Variants in SLC44A5 observed in about 807,000 individuals in gnomAD.
SLC44A5 encodes the protein choline transporter-like protein 5.
In SLC44A5, 57 loss-of-function variants were observed where a neutral mutation model predicts 101.8. That is an observed-to-expected ratio of 0.56 (90% CI 0.45 to 0.70). SLC44A5 has a LOEUF of 0.70. Ranked by LOEUF, SLC44A5 falls within the 30% of genes least tolerant of loss-of-function variation. The pLI is 0.00. For synonymous variants in SLC44A5, 281 were observed against 290.9 expected (o/e 0.97, Z 0.35); for missense variants, 737 against 853.1 (o/e 0.86, Z 1.70).
intron 1 of SLC44A5, among the ~76,000 whole-genome samples, chr1:75,570,849 T>C (rs1263057815): frequency 1.3e-5 from 2 of 152,178 alleles, no homozygotes. Context: ...AGTACGTTAA[T>C]GTGCTAATTA....
At chr1:75,481,161 C>A (rs1667819599) in intron 2 of SLC44A5, among the ~76,000 whole-genome samples, 1 of 152,166 alleles carries the variant, frequency 6.6e-6, no homozygotes, top group Admixed American at 6.5e-5. Context: ...GGAAAGGATT[C>A]CCTGTTTAAT....
chr1:75,257,011 A>G (rs968138151), intron 6 of SLC44A5, among the ~76,000 whole-genome samples: 2 of 152,206 alleles, frequency 1.3e-5, no homozygotes, highest in African/African-American at 4.8e-5. Context: ...GTAAAAACCA[A>G]CTGCCAGAAG....
At chr1:75,439,530 C>A (rs1352678749) in intron 2 of SLC44A5, among the ~76,000 whole-genome samples, 1 of 151,466 alleles carries the variant, frequency 6.6e-6, no homozygotes, top group African/African-American at 2.4e-5. Context: ...TCAACTGGGG[C>A]AACATAGTGA....
At chr1:75,608,349 G>A (rs1411577149) in intron 1 of SLC44A5, among the ~76,000 whole-genome samples, 1 of 151,898 alleles carries the variant, frequency 6.6e-6, no homozygotes, top group African/African-American at 2.4e-5. Context: ...GTGTGTGTGT[G>A]TGTTGTGTGT....
chr1:75,705,405 T>A, the SLC44A5 span, among the ~76,000 whole-genome samples: 2,365 of 152,280 alleles, frequency 0.016, 28 homozygotes, highest in Middle Eastern at 0.024. Context: ...TATAAAACCA[T>A]CCAGAGCTTG....
At chr1:75,440,265 G>C (rs1251228771) in intron 2 of SLC44A5, among the ~76,000 whole-genome samples, 2 of 152,162 alleles carry the variant, frequency 1.3e-5, no homozygotes, top group Non-Finnish European at 2.9e-5. Flanking sequence ...AATCATTGTG[G>C]TTTGAGAAGT....
At chr1:75,611,874 A>AG (rs1407131133), upstream of SLC44A5, among the ~76,000 whole-genome samples, 1 of 151,846 alleles carries the variant, frequency 6.6e-6, no homozygotes, top group African/African-American at 2.4e-5. Context: ...GTTATCTAGG[A>AG]GCCCCTCATG....
chr1:75,203,940 G>T (rs1646704649), intron 23 of SLC44A5, 107 bp from the exon 24 acceptor site: 7 of 1,079,466 alleles, frequency 6.5e-6, no homozygotes, highest in Non-Finnish European at 8.5e-6. Context: ...TCCTTTTGTT[G>T]TTTTTTTTTT....
In SLC44A5 at chr1:75,211,487, T is replaced by G. The variant is rs370764669; in HGVS notation, c.2028A>C (p.Glu676Asp). The change falls in exon 23 of 24, where the codon GAA becomes GAC. Residue 676 changes from glutamate (E) to aspartate (D), a missense_variant. Physicochemically the swap from Glu to Asp is conservative, Grantham distance 45. Transcript: ENST00000370859. ...GFFSVYAMCV[E>D]TIFICFLEDL... is the part of the protein sequence containing the mutation. ...ACTCACAGAAGCAGATGAAAATTGT[T>G]TCAACACACATTGCATAGACGCTGA... is the stretch of plus-strand genomic sequence containing the variant. 1.2e-6 allele frequency: 2 copies of G among 1,612,454 alleles called. No homozygotes were observed. The highest frequency in any genetic ancestry group is 1.7e-6 in the Non-Finnish European group (2 of 1,178,954).
the SLC44A5 span, among the ~76,000 whole-genome samples, chr1:75,657,970 CA>C: frequency 0.077 from 11,684 of 152,182 alleles, 1,514 homozygotes; most frequent in African/African-American, 0.27. Context: ...CTGACATTTA[CA>C]GAACATTTCA....
chr1:75,644,642 A>ATT, the SLC44A5 span, among the ~76,000 whole-genome samples: 1 of 119,062 alleles, frequency 8.4e-6, no homozygotes, highest in East Asian at 1.5e-3. Flanking sequence ...ATATATATAT[A>ATT]TTTTTTTTTA....
At chr1:75,220,246 T>C (rs1647050699) in intron 14 of SLC44A5, among the ~76,000 whole-genome samples, 1 of 152,106 alleles carries the variant, frequency 6.6e-6, no homozygotes, top group Admixed American at 6.6e-5. Context: ...ACTGAGGGAA[T>C]TCCCCACTAA....
chr1:75,272,093 G>A (rs1445581014), intron 6 of SLC44A5, among the ~76,000 whole-genome samples: 1 of 151,916 alleles, frequency 6.6e-6, no homozygotes, highest in African/African-American at 2.4e-5. Flanking sequence ...TCATATGTTT[G>A]TTGGCTATTT....
chr1:75,685,451 TAA>T, the SLC44A5 span, among the ~76,000 whole-genome samples: 2 of 152,210 alleles, frequency 1.3e-5, no homozygotes. Flanking sequence ...CTTTTAAATA[TAA>T]GTTTCAATTC....
At chr1:75,323,183 T>C (rs1300423509) in intron 4 of SLC44A5, among the ~76,000 whole-genome samples, 2 of 146,830 alleles carry the variant, frequency 1.4e-5, no homozygotes, top group African/African-American at 5.0e-5. Context: ...TGAGTGAGAA[T>C]ATGCGGTGTT....
Position 75,313,966 on chromosome 1 carries a change from CA to C in SLC44A5, c.102-13282del, listed in dbSNP as rs538977517. ...TTTGAATCTGGAGAAAATATAAAAGCAGATACATATCCTAGTGTAAAAGTAG... is the reference window on the plus strand; with the variant it reads ...TTTGAATCTGGAGAAAATATAAAAGCGATACATATCCTAGTGTAAAAGTAG... On this transcript the variant is annotated intron_variant, in intron 4 of 23. Transcript: ENST00000370859. Among the ~76,000 whole-genome samples, 3 of 152,206 alleles carry C rather than the reference CA, an allele frequency of 2.0e-5. No homozygotes were observed. In the East Asian group the frequency reaches 5.8e-4, roughly 29 times the overall value.
chr1:75,466,153 C>G (rs1460461058), intron 2 of SLC44A5, among the ~76,000 whole-genome samples: 1 of 152,110 alleles, frequency 6.6e-6, no homozygotes, highest in Non-Finnish European at 1.5e-5. Flanking sequence ...CCAAATTCAA[C>G]AATACATTTA....
the SLC44A5 span, among the ~76,000 whole-genome samples, chr1:75,655,613 C>T: frequency 6.6e-6 from 1 of 152,074 alleles, no homozygotes; most frequent in Non-Finnish European, 1.5e-5. Context: ...GTGTTGCCAG[C>T]ACTCCCAACT....
intron 3 of SLC44A5, among the ~76,000 whole-genome samples, chr1:75,365,789 T>C (rs1659816797): frequency 6.6e-6 from 1 of 152,218 alleles, no homozygotes; most frequent in African/African-American, 2.4e-5. Context: ...TCATTCTATT[T>C]TATTTATCTG....
Sources: allele counts gnomAD v4.1 joint callset (sites outside exome capture counted in the v4.1 genomes callset), GRCh38; gene constraint gnomAD v4.1.1; transcripts MANE v1.5; gene names NCBI Gene and HGNC (gene_info 2026-07-23, HGNC 2026-07-21).